The following DDX60L variants were observed in gnomAD, a reference collection of about 807,000 sequenced individuals.
The protein encoded by DDX60L is probable ATP-dependent RNA helicase DDX60-like.
DDX60L carries 191 observed loss-of-function variants against 211.6 expected under a neutral mutation model. That is an observed-to-expected ratio of 0.90 (90% CI 0.80 to 1.02). The LOEUF is 1.02. Among genes scored for constraint, DDX60L ranks in the 50% least tolerant of loss-of-function variants. The pLI, the probability that DDX60L is intolerant of heterozygous loss-of-function variation, is 0.00. For synonymous variants in DDX60L, 706 were observed against 694.1 expected, an observed-to-expected ratio of 1.02 and a Z score of -0.27; for missense variants, 2,007 against 1,984.1, an observed-to-expected ratio of 1.01 and a Z score of -0.22.
intron 29 of DDX60L, among the ~76,000 whole-genome samples, chr4:168,386,117 T>A (rs1048175746): frequency 6.6e-6 from 1 of 152,096 alleles, no homozygotes; most frequent in African/African-American, 2.4e-5. Flanking sequence ...GATTCAAACT[T>A]CTTCAGTTCT....
chr4:168,410,308 G>A (rs1460369670), intron 22 of DDX60L, among the ~76,000 whole-genome samples: 1 of 152,130 alleles, frequency 6.6e-6, no homozygotes, highest in Non-Finnish European at 1.5e-5. Context: ...CATGGAAGAC[G>A]AATAGAATCT....
At chr4:168,431,761 C>T (rs1158402681) in intron 12 of DDX60L, among the ~76,000 whole-genome samples, 2 of 152,000 alleles carry the variant, frequency 1.3e-5, no homozygotes, top group South Asian at 4.2e-4. Flanking sequence ...TGGAAATAAA[C>T]ATCGGATTGG....
In DDX60L at chr4:168,397,379, T is replaced by C. The variant is rs770810865; in HGVS notation, c.3492-1255A>G. ...TCCCAATCTAAAGAAAATAAAGATATGGAAACAACTGCAATGCAGTGTTAT... is the reference window on the plus strand; with the variant it reads ...TCCCAATCTAAAGAAAATAAAGATACGGAAACAACTGCAATGCAGTGTTAT... On this transcript the variant is annotated intron_variant, in intron 26 of 37. Coordinates refer to ENST00000682922, the MANE Select transcript of DDX60L (RefSeq NM_001012967.3). Among the ~76,000 whole-genome samples, 11 of 152,286 alleles carry C rather than the reference T, an allele frequency of 7.2e-5. 1 individual carries two copies. The highest frequency in any genetic ancestry group is 3.3e-4 in the Admixed American group (5 of 15,298).
intron 4 of DDX60L, among the ~76,000 whole-genome samples, chr4:168,464,365 T>G (rs1757696109): frequency 1.3e-5 from 2 of 151,502 alleles, no homozygotes; most frequent in Non-Finnish European, 2.9e-5. Context: ...ATAACACATC[T>G]AGAAAAAACA....
chr4:168,402,385 T>C (rs1028071154), intron 25 of DDX60L, among the ~76,000 whole-genome samples: 2 of 152,034 alleles, frequency 1.3e-5, no homozygotes, highest in African/African-American at 2.4e-5. Context: ...TTAATTTTCC[T>C]TTTTCAATCC....
At chr4:168,410,928 G>A (rs28536585) in intron 22 of DDX60L, among the ~76,000 whole-genome samples, 2,179 of 152,244 alleles carry the variant, frequency 0.014, 57 homozygotes, top group African/African-American at 0.047. Context: ...CTAAGAAGCC[G>A]TAAATAGGAA....
At chr4:168,448,583 A>G in intron 9 of DDX60L, 55 bp downstream of exon 9, 1 of 1,353,812 alleles carries the variant, frequency 7.4e-7, no homozygotes, top group Non-Finnish European at 1.0e-6. Flanking sequence ...GAAAATTTAT[A>G]AGGGTTTTAT....
At position 168,383,302 on chromosome 4, in the gene DDX60L, C is replaced by T. The variant is rs145623730; in HGVS notation, c.4116+1310G>A. ...ACTGAAGAGCTATTGCTACTGTTGA[C>T]GTGAAAAATACTGGGGCAAAATTAA... On this transcript the variant is annotated intron_variant, in intron 30 of 37. Transcript: ENST00000682922. Among the ~76,000 whole-genome samples the T allele has an allele frequency of 1.1e-3, 169 of 152,232 alleles. 2 individuals are homozygous for T. In the South Asian group the frequency reaches 0.02, roughly 18 times the overall value.
chr4:168,435,313 T>C (rs373169771), intron 10 of DDX60L, among the ~76,000 whole-genome samples: 7 of 152,230 alleles, frequency 4.6e-5, no homozygotes, highest in South Asian at 2.1e-4. Flanking sequence ...TAGAACTGTC[T>C]ATACTTAGAA....
chr4:168,461,555 CATT>C (rs1166961133), intron 5 of DDX60L, 141 bp downstream of exon 5: 1 of 611,652 alleles, frequency 1.6e-6, no homozygotes, highest in Non-Finnish European at 2.8e-6. Flanking sequence ...CCATCATTAT[CATT>C]GTTACCATTA....
rs539987681 is a variant in DDX60L, at chr4:168,425,533, G to A, written c.1930+1537C>T. Among the ~76,000 whole-genome samples the A allele has an allele frequency of 1.1e-3, 163 of 152,282 alleles. 2 individuals are homozygous for A. The highest frequency in any genetic ancestry group is 3.8e-3 in the African/African-American group (158 of 41,566). On this transcript the variant is annotated intron_variant, in intron 14 of 37. Transcript: ENST00000682922. ...TCCTAGCTCTTTGGGACGCCCTGGC[G>A]GATAGATCACCTGAGGTCAGGAGTT...
chr4:168,418,321 G>A (rs1304533655), intron 19 of DDX60L, among the ~76,000 whole-genome samples: 1 of 152,194 alleles, frequency 6.6e-6, no homozygotes, highest in Non-Finnish European at 1.5e-5. Flanking sequence ...ACCCGCCTCA[G>A]CCTCCCAAAG....
intron 7 of DDX60L, among the ~76,000 whole-genome samples, 192 bp from the exon 8 acceptor site, chr4:168,453,474 A>G (rs1396952879): frequency 6.6e-6 from 1 of 152,196 alleles, no homozygotes; most frequent in East Asian, 1.9e-4. Flanking sequence ...CAGGCTTAGT[A>G]GTTCACATAA....
chr4:168,434,550 C>T (rs553177990), intron 10 of DDX60L, among the ~76,000 whole-genome samples: 2 of 152,304 alleles, frequency 1.3e-5, no homozygotes, highest in Admixed American at 1.3e-4. Context: ...TCCCTAAATG[C>T]CACAGGGATA....
intron 37 of DDX60L, among the ~76,000 whole-genome samples, chr4:168,359,642 C>A (rs1333133798): frequency 6.6e-6 from 1 of 152,210 alleles, no homozygotes; most frequent in African/African-American, 2.4e-5. Flanking sequence ...AGAATAATAT[C>A]TCTAAAACAT....
At chr4:168,409,822 A>C (rs1462582966) in intron 22 of DDX60L, among the ~76,000 whole-genome samples, 1 of 152,208 alleles carries the variant, frequency 6.6e-6, no homozygotes, top group African/African-American at 2.4e-5. Flanking sequence ...TTTGTACCAT[A>C]GTCTGACAAT....
rs916013701 is a variant in DDX60L, at chr4:168,395,512, T to C, written c.3657+447A>G. Among the ~76,000 whole-genome samples, 5 of 152,334 alleles carry C rather than the reference T, an allele frequency of 3.3e-5. No homozygotes were observed. In the South Asian group the frequency reaches 6.2e-4, roughly 19 times the overall value. On this transcript the variant is annotated intron_variant, in intron 27 of 37. Transcript: ENST00000682922. ...ACTTCTGCAATGGACATAAATTACT[T>C]GCATAATAAAAAATGTTTAAATGCC...
In DDX60L at chr4:168,410,746, C is replaced by T. The variant is rs371229502; in HGVS notation, c.2980-4040G>A. On this transcript the variant is annotated intron_variant, in intron 22 of 37. Transcript: ENST00000682922. ...CCTCAAGTGAGATCTCCGAAAACTT[C>T]ATCTTCTCAATCCACCATGAAAAAA... Among the ~76,000 whole-genome samples, 28 of 152,262 alleles carry T rather than the reference C, an allele frequency of 1.8e-4. 1 individual carries two copies. The highest frequency in any genetic ancestry group is 6.7e-4 in the African/African-American group (28 of 41,572).
intron 30 of DDX60L, among the ~76,000 whole-genome samples, chr4:168,381,370 C>T (rs955986928): frequency 6.6e-6 from 1 of 152,078 alleles, no homozygotes; most frequent in African/African-American, 2.4e-5. Flanking sequence ...AACTCCTGGA[C>T]TCAAGTGATC....
Sources: allele counts gnomAD v4.1 joint callset (sites outside exome capture counted in the v4.1 genomes callset), GRCh38; gene constraint gnomAD v4.1.1; transcripts MANE v1.5; gene names NCBI Gene and HGNC (gene_info 2026-07-23, HGNC 2026-07-21).